ABCA1: variants seen among roughly 807,000 people sequenced by gnomAD.
ABCA1 encodes the protein phospholipid-transporting ATPase ABCA1.
Under a neutral mutation model 262.5 loss-of-function variants are expected in ABCA1, and 133 were observed. The observed-to-expected ratio is 0.51, with a 90% confidence interval of 0.44 to 0.59. The LOEUF (loss-of-function observed/expected upper bound fraction) is 0.59, where lower values mean the gene tolerates loss of function less well. Among genes scored for constraint, ABCA1 ranks in the 20% least tolerant of loss-of-function variants. ABCA1 has a pLI of 0.00. For synonymous variants in ABCA1, 1,022 were observed against 1,043.5 expected, an observed-to-expected ratio of 0.98 and a Z score of 0.40; for missense variants, 2,452 against 2,777.5, an observed-to-expected ratio of 0.88 and a Z score of 2.63.
intron 7 of ABCA1, among the ~76,000 whole-genome samples, chr9:104,852,433 C>T (rs1482539704): frequency 2.6e-5 from 4 of 152,282 alleles, no homozygotes; most frequent in Non-Finnish European, 4.4e-5. Flanking sequence ...ATGTGTTTAA[C>T]GCATTCAAAC....
chr9:104,814,499 C>G (rs759756110), intron 25 of ABCA1, 24 bp from the exon 26 acceptor site: 30 of 1,611,082 alleles, frequency 1.9e-5, no homozygotes, highest in Non-Finnish European at 2.5e-5. Context: ...GAGATGAGAA[C>G]ATTATAAGCA....
rs746263501 is a variant in ABCA1 at position 104,821,493 on chromosome 9, C to T, written c.2842G>A (p.Gly948Arg). The change falls in exon 20 of 50, where the codon GGG becomes AGG. Residue 948 changes from glycine to arginine, a missense_variant. Gly to Arg is a moderately radical substitution (Grantham distance 125). Transcript: ENST00000374736. ...GKTTTMSILT[G>R]LFPPTSGTAY... ...GTGCCCGAGGTCGGGGGGAACAACC[C>T]GGTCAGGATTGACCTGAGGACAAAA... 5.6e-6 allele frequency: 9 copies of T among 1,613,930 alleles called. No homozygotes were observed. Among genetic ancestry groups the T allele is most frequent in the Non-Finnish European group, 7.6e-6 (9 of 1,180,026 alleles).
chr9:104,919,508 A>T (rs1409642344), intron 1 of ABCA1, among the ~76,000 whole-genome samples: 4 of 152,044 alleles, frequency 2.6e-5, no homozygotes, highest in African/African-American at 9.7e-5. Context: ...GCTACTCAGG[A>T]GGTTGAGGCA....
intron 3 of ABCA1, among the ~76,000 whole-genome samples, chr9:104,888,210 T>A (rs1393943980): frequency 2.0e-5 from 3 of 152,138 alleles, no homozygotes; most frequent in Non-Finnish European, 2.9e-5. Context: ...CTGGCCCCAC[T>A]GCTTTCCTGG....
At chr9:104,809,343 T>A in intron 30 of ABCA1, 123 bp downstream of exon 30, 2 of 966,330 alleles carry the variant, frequency 2.1e-6, no homozygotes, top group Non-Finnish European at 3.3e-6. Context: ...TAAAACATAA[T>A]AATAATTCAA....
intron 5 of ABCA1, among the ~76,000 whole-genome samples, chr9:104,862,706 C>CA (rs1564200153): frequency 7.8e-5 from 1 of 12,750 alleles, no homozygotes; most frequent in Non-Finnish European, 1.6e-4. Flanking sequence ...GGCCGGCCCC[C>CA]ACCCCCACCC....
intron 5 of ABCA1, among the ~76,000 whole-genome samples, chr9:104,865,067 C>T (rs1029878777): frequency 2.6e-5 from 4 of 152,204 alleles, no homozygotes; most frequent in Non-Finnish European, 5.9e-5. Context: ...AGCCTGATCA[C>T]GTGGATATCC....
chr9:104,831,221 CTTT>C, intron 13 of ABCA1, 120 bp from the exon 14 acceptor site: 67 of 740,636 alleles, frequency 9.0e-5, no homozygotes, highest in East Asian at 2.5e-4. Flanking sequence ...ATTTTTGTAT[CTTT>C]TTTTTTTTTT....
intron 7 of ABCA1, among the ~76,000 whole-genome samples, chr9:104,854,678 C>T (rs756119439): frequency 2.0e-5 from 3 of 152,172 alleles, no homozygotes; most frequent in Non-Finnish European, 4.4e-5. Context: ...CAGCAAAATA[C>T]ACCTTGCTGA....
chr9:104,914,143 A>G (rs975711065), intron 1 of ABCA1, among the ~76,000 whole-genome samples: 2 of 151,246 alleles, frequency 1.3e-5, no homozygotes, highest in Admixed American at 6.6e-5. Context: ...TGTCCATCCC[A>G]TTTCCTCCAG....
chr9:104,815,787 C>G (rs1053378589), intron 25 of ABCA1, among the ~76,000 whole-genome samples: 9 of 152,140 alleles, frequency 5.9e-5, no homozygotes, highest in Non-Finnish European at 1.2e-4. Context: ...GAATTTCTAA[C>G]AAGTTCCCAA....
At chr9:104,828,797 G>A in intron 15 of ABCA1, 119 bp downstream of exon 15, 1 of 1,048,126 alleles carries the variant, frequency 9.5e-7, no homozygotes, top group Non-Finnish European at 1.4e-6. Flanking sequence ...TGCAGGAAAT[G>A]ACAGGTATGA....
At chr9:104,891,891 G>T (rs188132621) in intron 2 of ABCA1, among the ~76,000 whole-genome samples, 23 of 148,218 alleles carry the variant, frequency 1.6e-4, no homozygotes, top group African/African-American at 5.6e-4. Flanking sequence ...CTTAAACCTG[G>T]GAAGCGGAGG....
intron 11 of ABCA1, among the ~76,000 whole-genome samples, chr9:104,835,151 G>A (rs1349324942): frequency 6.6e-6 from 1 of 151,448 alleles, no homozygotes; most frequent in African/African-American, 2.4e-5. Context: ...TGGAGGCTGA[G>A]ACAGGAGAAT....
At chr9:104,855,658 C>T (rs1835771907) in intron 7 of ABCA1, 9 of 1,467,726 alleles carry the variant, frequency 6.1e-6, no homozygotes, top group Non-Finnish European at 8.1e-6. Context: ...AACAAAGAGT[C>T]AAATATATTA....
Position 104,809,284 on chromosome 9 carries a change from G to A in ABCA1, c.4274+182C>T, listed in dbSNP as rs540479686. 1.2e-4 allele frequency among the ~76,000 whole-genome samples: 19 copies of A among 152,316 alleles called. No individual in the cohort carries two copies. The South Asian group carries it at 2.3e-3, about 18-fold the overall frequency. On this transcript the variant is annotated intron_variant, in intron 30 of 49. Transcript: ENST00000374736. ...CACGGTGTTAGAAGACTCTCCAAAC[G>A]TTTGTTCCTAGATAATTTAGTTCGG... is the stretch of plus-strand genomic sequence containing the variant.
At chr9:104,815,562 AT>A (rs1298569056) in intron 25 of ABCA1, among the ~76,000 whole-genome samples, 1 of 152,164 alleles carries the variant, frequency 6.6e-6, no homozygotes, top group Non-Finnish European at 1.5e-5. Context: ...TCATTTTTTC[AT>A]CTTTTTTTGA....
At chr9:104,852,758 C>T (rs542946726) in intron 7 of ABCA1, among the ~76,000 whole-genome samples, 42 of 152,306 alleles carry the variant, frequency 2.8e-4, no homozygotes, top group African/African-American at 9.9e-4. Flanking sequence ...AGCAAGTAAA[C>T]AGGTGGGCAG....
intron 32 of ABCA1, among the ~76,000 whole-genome samples, chr9:104,803,633 G>C (rs540411862): frequency 6.6e-6 from 1 of 151,802 alleles, no homozygotes; most frequent in Non-Finnish European, 1.5e-5. Flanking sequence ...TTGGGAGATG[G>C]TTTCGCTCTT....
Sources: allele counts gnomAD v4.1 joint callset (sites outside exome capture counted in the v4.1 genomes callset), GRCh38; gene constraint gnomAD v4.1.1; transcripts MANE v1.5; gene names NCBI Gene and HGNC (gene_info 2026-07-23, HGNC 2026-07-21).